ENPEP: variants seen among roughly 807,000 people sequenced by gnomAD.
The protein encoded by ENPEP is glutamyl aminopeptidase, also known as AP-A.
ENPEP carries 103 observed loss-of-function variants against 114.5 expected under a neutral mutation model. That is an observed-to-expected ratio of 0.90 (90% CI 0.77 to 1.06). ENPEP has a LOEUF of 1.06. ENPEP is among the 50% of genes least tolerant of loss of function. The pLI is 0.00. For synonymous variants in ENPEP, 420 were observed against 422.0 expected (o/e 1.00, Z 0.06); for missense variants, 1,196 against 1,161.3 (o/e 1.03, Z -0.43).
chr4:110,476,935 AG>A lies in ENPEP; in HGVS notation c.523del (p.Glu175LysfsTer14). The A allele has an allele frequency of 6.2e-7, 1 of 1,614,124 alleles. No homozygotes were observed. Among genetic ancestry groups the A allele is most frequent in the South Asian group, 1.1e-5 (1 of 91,076 alleles). On this transcript the variant is annotated frameshift_variant, in exon 1 of 20. Transcript: ENST00000265162. LOFTEE classifies it high-confidence loss of function. ...CAGGAGTACGTGGTGGTCGAGGCGG[AG>A]GAAGAGCTTACCCCCAGCAGTGGAG... Reference protein sequence around the residue: ...KKQEYVVVEAEEELTPSSGDG... With the variant: ...KKQEYVVVEAXEELTPSSGDG...
At chr4:110,558,731 T>A (rs1469916953) in intron 18 of ENPEP, among the ~76,000 whole-genome samples, 1 of 152,172 alleles carries the variant, frequency 6.6e-6, no homozygotes, top group Non-Finnish European at 1.5e-5. Context: ...GTGATGAGAT[T>A]TTTTTTACCT....
intron 11 of ENPEP, among the ~76,000 whole-genome samples, chr4:110,541,769 C>G (rs1726855282): frequency 6.6e-6 from 1 of 152,062 alleles, no homozygotes; most frequent in Non-Finnish European, 1.5e-5. Context: ...ATTGTTGGTA[C>G]CTTAAAATAT....
At chr4:110,483,417 A>G (rs1724387078) in intron 1 of ENPEP, among the ~76,000 whole-genome samples, 1 of 152,110 alleles carries the variant, frequency 6.6e-6, no homozygotes. Context: ...GAGAGTCTTC[A>G]CTGGAAACAG....
Position 110,549,795 on chromosome 4 carries a change from C to G in ENPEP, c.2410C>G (p.Leu804Val). ...SGNEISWNYT[L>V]EQYQKTSLAQ... is the part of the protein sequence containing the mutation. ...CAATGAGATTTCATGGAACTACACT[C>G]TTGAGCAATACCAGAAAACTTCATT... The change falls in exon 17 of 20, where the codon CTT becomes GTT. Residue 804 changes from leucine (L) to valine (V), a missense_variant. Transcript: ENST00000265162. 2 of 1,613,416 alleles carry G rather than the reference C, an allele frequency of 1.2e-6. No individual in the cohort carries two copies. The highest frequency in any genetic ancestry group is 1.7e-6 in the Non-Finnish European group (2 of 1,179,598).
At chr4:110,556,888 G>A (rs1727493448) in intron 18 of ENPEP, among the ~76,000 whole-genome samples, 1 of 152,098 alleles carries the variant, frequency 6.6e-6, no homozygotes, top group Non-Finnish European at 1.5e-5. Context: ...CATTATGACT[G>A]GCATTGGGGA....
chr4:110,528,937 T>C (rs887355313), intron 10 of ENPEP, among the ~76,000 whole-genome samples: 10 of 152,232 alleles, frequency 6.6e-5, no homozygotes, highest in African/African-American at 2.2e-4. Flanking sequence ...TTCTTCACAT[T>C]TTATACTCTC....
At chr4:110,526,546 T>C (rs1726202564) in intron 10 of ENPEP, among the ~76,000 whole-genome samples, 1 of 152,118 alleles carries the variant, frequency 6.6e-6, no homozygotes, top group Non-Finnish European at 1.5e-5. Flanking sequence ...AGAGAGTGAC[T>C]GGGAAAAGTG....
In ENPEP at chr4:110,561,591, T is replaced by A. The variant is rs768122364; in HGVS notation, c.*33T>A. ...AAATGTTAGAGTTTAATTTTGTGAATCTATTGTTTCTCCTCTGAAGCATTT... is the reference window on the plus strand; with the variant it reads ...AAATGTTAGAGTTTAATTTTGTGAAACTATTGTTTCTCCTCTGAAGCATTT... On this transcript the variant is annotated 3_prime_UTR_variant, in exon 20 of 20. Coordinates refer to ENST00000265162, the MANE Select transcript of ENPEP (RefSeq NM_001977.4). The A allele has an allele frequency of 6.3e-7, 1 of 1,594,166 alleles. No homozygotes were observed. Among genetic ancestry groups the A allele is most frequent in the South Asian group, 1.1e-5 (1 of 88,704 alleles).
chr4:110,500,791 C>T (rs542137976), intron 3 of ENPEP, among the ~76,000 whole-genome samples: 112 of 152,026 alleles, frequency 7.4e-4, no homozygotes, highest in African/African-American at 2.5e-3. Flanking sequence ...ATAATGATGA[C>T]GAGTCAGGGG....
At chr4:110,549,954 G>C in intron 17 of ENPEP, 68 bp downstream of exon 17, 1 of 1,378,204 alleles carries the variant, frequency 7.3e-7, no homozygotes, top group Non-Finnish European at 9.8e-7. Context: ...GTCTCTTTAA[G>C]AGTCTGATTA....
intron 13 of ENPEP, among the ~76,000 whole-genome samples, chr4:110,546,351 G>GT (rs892014345): frequency 6.6e-6 from 1 of 151,530 alleles, no homozygotes; most frequent in Non-Finnish European, 1.5e-5. Context: ...AGTTTTTGTT[G>GT]TTTTTTGTTT....
intron 11 of ENPEP, among the ~76,000 whole-genome samples, chr4:110,541,944 C>T (rs559363331): frequency 6.6e-6 from 1 of 152,110 alleles, no homozygotes; most frequent in Admixed American, 6.6e-5. Context: ...TATCTTTTAC[C>T]TAAAACATAA....
Position 110,551,678 on chromosome 4 carries a change from A to G in ENPEP, c.2502-1637A>G, listed in dbSNP as rs142011918. On this transcript the variant is annotated intron_variant, in intron 17 of 19. Coordinates refer to ENST00000265162, the MANE Select transcript of ENPEP (RefSeq NM_001977.4). ...CCAAGAGTTCTCACACTGCTGAGTGATGAGCCAGTGAGAGGGAGAACAACT... is the reference window on the plus strand; with the variant it reads ...CCAAGAGTTCTCACACTGCTGAGTGGTGAGCCAGTGAGAGGGAGAACAACT... Among the ~76,000 whole-genome samples, 1,043 of 152,296 alleles carry G rather than the reference A, an allele frequency of 6.8e-3. 5 individuals carry two copies. The highest frequency in any genetic ancestry group is 0.011 in the Admixed American group (174 of 15,280).
At chr4:110,491,252 T>TTTC in intron 3 of ENPEP, 88 bp downstream of exon 3, 1 of 1,028,968 alleles carries the variant, frequency 9.7e-7, no homozygotes, top group Non-Finnish European at 1.4e-6. Context: ...TTTTTTTTTT[T>TTTC]CAAACAACAT....
intron 13 of ENPEP, among the ~76,000 whole-genome samples, chr4:110,544,708 TAC>T (rs1578416343): frequency 1.3e-5 from 2 of 152,166 alleles, no homozygotes; most frequent in Non-Finnish European, 2.9e-5. Flanking sequence ...GTACTATCTC[TAC>T]AGTTTAATTT....
chr4:110,502,896 G>A (rs997426145), intron 3 of ENPEP, among the ~76,000 whole-genome samples: 1 of 151,768 alleles, frequency 6.6e-6, no homozygotes, highest in Non-Finnish European at 1.5e-5. Flanking sequence ...CTTCTTATTC[G>A]ATGTTTTCTT....
Position 110,548,457 on chromosome 4 carries a change from C to T in ENPEP, c.2151+131C>T, listed in dbSNP as rs188878924. On this transcript the variant is annotated intron_variant, in intron 14 of 19. Coordinates refer to ENST00000265162, the MANE Select transcript of ENPEP (RefSeq NM_001977.4). ...TGCCAGGTGGAATCAAAAGAAAGTGCAATGACTTGACTAATCAAAGCAAAG... is the reference window on the plus strand; with the variant it reads ...TGCCAGGTGGAATCAAAAGAAAGTGTAATGACTTGACTAATCAAAGCAAAG... 141 of 661,750 alleles carry T rather than the reference C, an allele frequency of 2.1e-4. 1 individual carries two copies. In the African/African-American group the frequency reaches 2.4e-3, roughly 11 times the overall value. 41.0% of individuals were successfully genotyped at this position (661,750 alleles called of 1,614,324 possible).
At chr4:110,548,421 C>T (rs1727162374) in intron 14 of ENPEP, 95 bp downstream of exon 14, 4 of 1,075,592 alleles carry the variant, frequency 3.7e-6, no homozygotes, top group Non-Finnish European at 5.0e-6. Flanking sequence ...GGGACCTAAA[C>T]CATGTTTGCT....
In ENPEP at chr4:110,476,482, G is replaced by A. The variant is rs748997409; in HGVS notation, c.68G>A (p.Cys23Tyr). The change falls in exon 1 of 20, where the codon TGT (cysteine) becomes TAT (tyrosine). Residue 23 changes from cysteine to tyrosine, a missense_variant. Physicochemically the swap from Cys to Tyr is radical, Grantham distance 194 (BLOSUM62 -2). Transcript: ENST00000265162. ...CIQTKHVAIL[C>Y]AVVVGVGLIV... ...CAAACGAAACATGTGGCCATTCTCT[G>A]TGCGGTGGTGGTGGGTGTAGGATTA... The A allele has an allele frequency of 1.6e-5, 25 of 1,574,448 alleles. No homozygotes were observed. The highest frequency in any genetic ancestry group is 2.1e-5 in the Non-Finnish European group (24 of 1,156,760).
Sources: allele counts gnomAD v4.1 joint callset (sites outside exome capture counted in the v4.1 genomes callset), GRCh38; gene constraint gnomAD v4.1.1; transcripts MANE v1.5; gene names NCBI Gene and HGNC (gene_info 2026-07-23, HGNC 2026-07-21).